Variants in COLEC10 observed in about 807,000 individuals in gnomAD.
COLEC10 encodes the protein collectin subfamily member 10.
COLEC10 carries 22 observed loss-of-function variants against 28.4 expected under a neutral mutation model. That is an observed-to-expected ratio of 0.78 (90% CI 0.55 to 1.11). COLEC10 has a LOEUF of 1.11. Among genes scored for constraint, COLEC10 ranks in the 50% least tolerant of loss-of-function variants. The pLI, the probability that COLEC10 is intolerant of heterozygous loss-of-function variation, is 0.00. For missense variants in COLEC10, 361 were observed against 344.1 expected (o/e 1.05, Z -0.39); for synonymous variants, 125 against 116.1 (o/e 1.08, Z -0.49).
intron 1 of COLEC10, among the ~76,000 whole-genome samples, chr8:119,081,797 A>T (rs978745115): frequency 1.3e-5 from 2 of 152,260 alleles, no homozygotes; most frequent in African/African-American, 4.8e-5. Flanking sequence ...GAAGTGGCCT[A>T]TAAACACAGA....
At chr8:119,070,750 A>T (rs1490195476) in intron 1 of COLEC10, among the ~76,000 whole-genome samples, 1 of 152,082 alleles carries the variant, frequency 6.6e-6, no homozygotes, top group African/African-American at 2.4e-5. Flanking sequence ...AATTTAAAAG[A>T]AAAATAAATG....
At chr8:118,989,740 G>A in the COLEC10 span, among the ~76,000 whole-genome samples, 1 of 151,974 alleles carries the variant, frequency 6.6e-6, no homozygotes, top group African/African-American at 2.4e-5. Flanking sequence ...GTGTGTGTGT[G>A]TAGGAAGGCT....
chr8:119,103,969 A>G (rs1815890058), intron 5 of COLEC10, 74 bp downstream of exon 5: 4 of 1,034,360 alleles, frequency 3.9e-6, no homozygotes, highest in South Asian at 2.6e-5. Context: ...GTACTCTTAG[A>G]TGGAAATATC....
intron 3 of COLEC10, among the ~76,000 whole-genome samples, chr8:119,101,290 T>C (rs180944319): frequency 6.6e-6 from 1 of 152,258 alleles, no homozygotes; most frequent in East Asian, 1.9e-4. Context: ...TCTTTTTCTT[T>C]TTTTCCAGAT....
At chr8:119,104,177 G>A (rs1029573876) in intron 5 of COLEC10, among the ~76,000 whole-genome samples, 1 of 152,110 alleles carries the variant, frequency 6.6e-6, no homozygotes, top group South Asian at 2.1e-4. Context: ...AAGCTATGCT[G>A]TAAGAATAAA....
the COLEC10 span, among the ~76,000 whole-genome samples, chr8:118,968,877 T>A: frequency 6.6e-6 from 1 of 151,946 alleles, no homozygotes; most frequent in Non-Finnish European, 1.5e-5. Context: ...TGGTGTTTGG[T>A]TTTCTGCTCT....
intron 1 of COLEC10, among the ~76,000 whole-genome samples, chr8:119,001,603 C>T (rs143488239): frequency 3.5e-4 from 53 of 152,240 alleles, no homozygotes; most frequent in African/African-American, 1.3e-3. Context: ...TTAGACAGTG[C>T]TACTTGATTA....
At chr8:119,077,349 G>T (rs1157604375) in intron 1 of COLEC10, among the ~76,000 whole-genome samples, 1 of 128,600 alleles carries the variant, frequency 7.8e-6, no homozygotes, top group African/African-American at 2.9e-5. Context: ...ATTTTTTTCT[G>T]CTCCCTCTTT....
chr8:118,956,686 T>C, the COLEC10 span, among the ~76,000 whole-genome samples: 1 of 152,148 alleles, frequency 6.6e-6, no homozygotes, highest in Non-Finnish European at 1.5e-5. Context: ...TCTGAACAAA[T>C]AAATGTTTAT....
chr8:119,068,710 C>A (rs1815023180), intron 1 of COLEC10: 1 of 152,058 alleles, frequency 6.6e-6, no homozygotes, highest in African/African-American at 2.4e-5. Flanking sequence ...CAGTGGAAAT[C>A]TCATTAACTT....
chr8:119,063,754 G>A (rs912782975), upstream of COLEC10, among the ~76,000 whole-genome samples: 6 of 150,622 alleles, frequency 4.0e-5, no homozygotes, highest in East Asian at 1.2e-3. Context: ...GAAAAGAGTA[G>A]AGGAATAACG....
chr8:119,080,244 T>C (rs184576851), intron 1 of COLEC10, among the ~76,000 whole-genome samples: 1 of 152,230 alleles, frequency 6.6e-6, no homozygotes, highest in African/African-American at 2.4e-5. Context: ...TTGTCCAAGG[T>C]AATCCTGTAT....
chr8:119,074,846 T>A (rs904860232), intron 1 of COLEC10, among the ~76,000 whole-genome samples: 1 of 152,216 alleles, frequency 6.6e-6, no homozygotes, highest in Admixed American at 6.5e-5. Flanking sequence ...CCTAGGGTTG[T>A]CATGGGGATT....
chr8:119,097,716 A>G (rs1397973612), intron 3 of COLEC10, among the ~76,000 whole-genome samples: 1 of 152,078 alleles, frequency 6.6e-6, no homozygotes, highest in Non-Finnish European at 1.5e-5. Flanking sequence ...GTATAGCAGG[A>G]AAGTGGGATG....
chr8:119,067,678 G>C (rs1814998964), intron 1 of COLEC10: 1 of 391,398 alleles, frequency 2.6e-6, no homozygotes, highest in Admixed American at 4.4e-5. Flanking sequence ...ACTTACCCAG[G>C]GCAGGGGGAA....
At chr8:119,105,418 C>A (rs1449680050) in intron 5 of COLEC10, among the ~76,000 whole-genome samples, 3 of 152,034 alleles carry the variant, frequency 2.0e-5, no homozygotes, top group African/African-American at 7.2e-5. Context: ...AAAAGACTTT[C>A]TAGGCATAAA....
At chr8:118,976,590 A>G in the COLEC10 span, 1 of 152,384 alleles carries the variant, frequency 6.6e-6, no homozygotes. Flanking sequence ...CAAGGATGAC[A>G]CGCAAATTCG....
At chr8:119,105,199 G>T (rs1815912592) in intron 5 of COLEC10, among the ~76,000 whole-genome samples, 1 of 152,116 alleles carries the variant, frequency 6.6e-6, no homozygotes, top group African/African-American at 2.4e-5. Flanking sequence ...CATGGTCATT[G>T]TCCTTAAGAC....
intron 5 of COLEC10, 50 bp from the exon 6 acceptor site, chr8:119,105,750 C>A: frequency 2.0e-6 from 3 of 1,494,970 alleles, no homozygotes; most frequent in Non-Finnish European, 1.8e-6. Flanking sequence ...ATTTTGTTGC[C>A]TTTTATCTTT....
Sources: gnomAD v4.1 joint callset for allele counts (sites outside exome capture counted in the v4.1 genomes callset) on GRCh38, gnomAD v4.1.1 for gene constraint, MANE v1.5 for transcripts, NCBI Gene and HGNC (gene_info 2026-07-23, HGNC 2026-07-21) for gene names.